Variants in LZTS2 observed in about 807,000 individuals in gnomAD.
The protein encoded by LZTS2 is leucine zipper putative tumor suppressor 2.
A neutral mutation model predicts 60.6 loss-of-function variants in LZTS2; 32 were observed. That is an observed-to-expected ratio of 0.53 (90% CI 0.40 to 0.71). The LOEUF (loss-of-function observed/expected upper bound fraction) is 0.71. Ranked by LOEUF, LZTS2 falls within the 30% of genes least tolerant of loss-of-function variation. LZTS2 has a pLI of 0.00. For synonymous variants in LZTS2, 360 were observed against 393.1 expected (o/e 0.92, Z 1.00); for missense variants, 792 against 901.9 (o/e 0.88, Z 1.56).
At chr10:101,007,152 C>T (rs1007660297) in exon 4 of LZTS2, 2 of 1,589,704 alleles carry the variant, frequency 1.3e-6, no homozygotes, top group African/African-American at 2.7e-5. Context: ...GAGGAGATCA[C>T]TGCTACTGAG....
Position 101,003,859 on chromosome 10 carries a change from G to A in LZTS2, c.761G>A (p.Arg254Gln), listed in dbSNP as rs553590164. 149 of 1,613,206 alleles carry A rather than the reference G, an allele frequency of 9.2e-5. 2 individuals carry two copies. In the South Asian group the frequency reaches 1.6e-3, roughly 17 times the overall value. ...CACCTGCCTTCCCATGGCTCTGGGC[G>A]AGGGGCACTGCCTGGGCCAGCCCGA... The change falls in exon 2 of 4, where the codon CGA becomes CAA. Residue 254 changes from arginine to glutamine, a missense_variant. By Grantham distance (43) the Arg-to-Gln change is conservative (BLOSUM62 1). Coordinates refer to ENST00000370220, the Ensembl canonical transcript of LZTS2.
chr10:101,007,745 G>C (rs955464671), exon 4 of LZTS2: 2 of 732,302 alleles, frequency 2.7e-6, no homozygotes, highest in African/African-American at 3.9e-5. Context: ...CCAGGTTTAT[G>C]GCCTCGTTTT....
At chr10:101,004,529 G>A (rs1796194391) in intron 2 of LZTS2, among the ~76,000 whole-genome samples, 1 of 152,204 alleles carries the variant, frequency 6.6e-6, no homozygotes, top group South Asian at 2.1e-4. Flanking sequence ...CTGGAGCCCA[G>A]GAGGAGGAGG....
At chr10:101,007,288 C>T (rs1337286068) in exon 4 of LZTS2, 23 of 1,424,618 alleles carry the variant, frequency 1.6e-5, no homozygotes, top group Non-Finnish European at 2.1e-5. Context: ...CACTTGTCTC[C>T]TAGGATCCAG....
exon 4 of LZTS2, chr10:101,006,823 T>C (rs1262361955): frequency 6.5e-7 from 1 of 1,538,530 alleles, no homozygotes; most frequent in South Asian, 1.3e-5. Flanking sequence ...TGGCAGAGAG[T>C]GATGAGGCCA....
chr10:100,999,286 CGAA>C (rs1305074109), upstream of LZTS2, among the ~76,000 whole-genome samples: 1 of 152,196 alleles, frequency 6.6e-6, no homozygotes, highest in African/African-American at 2.4e-5. Flanking sequence ...GTCGCCTCCG[CGAA>C]GCCCAGGTTG....
At chr10:101,007,809 TAA>T (rs201110369) in exon 4 of LZTS2, 7 of 328,116 alleles carry the variant, frequency 2.1e-5, no homozygotes, top group African/African-American at 1.7e-4. Flanking sequence ...AAGAAAAAAT[TAA>T]AAAAAATTTT....
At chr10:101,003,047 G>T (rs770635943) in intron 1 of LZTS2, 101 bp downstream of exon 2, 233 of 1,384,000 alleles carry the variant, frequency 1.7e-4, no homozygotes, top group Non-Finnish European at 2.2e-4. Flanking sequence ...GTGGGCTCCA[G>T]ATTCACCAGA....
At position 101,005,450 on chromosome 10, in the gene LZTS2, G is replaced by T; in HGVS notation, c.1069-8G>T. On this transcript the variant is annotated splice_polypyrimidine_tract_variant and splice_region_variant and intron_variant, in intron 2 of 3. Coordinates refer to ENST00000370220, the Ensembl canonical transcript of LZTS2. ...GCCCAGGAGCCAGGTCTCTCTTCTC[G>T]CCTGCAGGCATACGAGGAGCGGCAG... The T allele has an allele frequency of 1.3e-6, 2 of 1,548,448 alleles. No individual in the cohort carries two copies. Among genetic ancestry groups the T allele is most frequent in the African/African-American group, 2.7e-5 (2 of 73,680 alleles).
At chr10:101,002,846 C>T (rs749945962) in exon 1 of LZTS2, 2 of 1,613,930 alleles carry the variant, frequency 1.2e-6, no homozygotes, top group Non-Finnish European at 1.7e-6. Context: ...CCCCCCAGCC[C>T]AAGCAGTGAT....
In LZTS2 at chr10:101,006,484, G is replaced by T; in HGVS notation, c.1327-1G>T. The T allele has an allele frequency of 1.2e-6, 2 of 1,606,998 alleles. No individual in the cohort carries two copies. Among genetic ancestry groups the T allele is most frequent in the Non-Finnish European group, 1.7e-6 (2 of 1,177,208 alleles). ...CCTTCCCCACTTCCTCCCACCCCCA[G>T]GTGTGCCAGAAATCAGGCGAGATCT... On this transcript the variant is annotated splice_acceptor_variant, in intron 3 of 3. Coordinates refer to ENST00000370220, the Ensembl canonical transcript of LZTS2. LOFTEE classifies it high-confidence loss of function.
At chr10:101,004,076 C>T in exon 2 of LZTS2, 8 of 1,613,376 alleles carry the variant, frequency 5.0e-6, no homozygotes, top group Non-Finnish European at 6.8e-6. Flanking sequence ...CCCTGCTGCA[C>T]TGTGTCCTGG....
chr10:101,001,040 A>C (rs1425170790), exon 1 of LZTS2: 1 of 152,334 alleles, frequency 6.6e-6, no homozygotes, highest in African/African-American at 2.4e-5. Context: ...CGAAGAGAGA[A>C]GGAAACAGGC....
At chr10:101,007,575 G>C in exon 4 of LZTS2, 1 of 1,299,488 alleles carries the variant, frequency 7.7e-7, no homozygotes, top group Non-Finnish European at 1.0e-6. Context: ...CTCCGGATGT[G>C]CCTGCCCACA....
exon 4 of LZTS2, chr10:101,007,060 G>A (rs540277405): frequency 6.2e-7 from 1 of 1,604,712 alleles, no homozygotes; most frequent in Non-Finnish European, 8.5e-7. Context: ...TAGAGCAGGA[G>A]CTGCAGCAGC....
Position 101,002,965 on chromosome 10 carries a change from T to G in LZTS2, c.408+19T>G. The G allele has an allele frequency of 6.3e-7, 1 of 1,596,872 alleles. No individual in the cohort carries two copies. The highest frequency in any genetic ancestry group is 8.5e-7 in the Non-Finnish European group (1 of 1,171,426). Reference sequence around the variant, plus strand: ...GGAGAAGGTGAGGACCGGCTCTTCCTTGTGGGCCTGGGTAGAACGGGAGTC... The same window carrying G: ...GGAGAAGGTGAGGACCGGCTCTTCCGTGTGGGCCTGGGTAGAACGGGAGTC... On this transcript the variant is annotated intron_variant, in intron 1 of 3. Coordinates refer to ENST00000370220, the Ensembl canonical transcript of LZTS2.
exon 2 of LZTS2, chr10:101,003,917 T>C (rs765531217): frequency 2.5e-6 from 4 of 1,611,604 alleles, no homozygotes; most frequent in Admixed American, 1.7e-5. Flanking sequence ...ACTCAGACAG[T>C]GGCCGGTCCT....
intron 1 of LZTS2, 25 bp from the exon 3 acceptor site, chr10:101,003,482 A>G: frequency 6.6e-7 from 1 of 1,512,396 alleles, no homozygotes; most frequent in Admixed American, 2.3e-5. Context: ...GCTCATCTCC[A>G]GTGTCACATG....
At chr10:101,000,999 G>A (rs1852023631) in exon 1 of LZTS2, 1 of 152,268 alleles carries the variant, frequency 6.6e-6, no homozygotes, top group Admixed American at 6.5e-5. Flanking sequence ...AGGCAAAGGA[G>A]TTAGATAATG....
Sources: gnomAD v4.1 joint callset for allele counts (sites outside exome capture counted in the v4.1 genomes callset) on GRCh38, gnomAD v4.1.1 for gene constraint, MANE v1.5 for transcripts, NCBI Gene and HGNC (gene_info 2026-07-23, HGNC 2026-07-21) for gene names.